Variants in NTRK3 observed in about 807,000 individuals in gnomAD.
NTRK3 encodes the protein NT-3 growth factor receptor.
In NTRK3, 24 loss-of-function variants were observed where a neutral mutation model predicts 91.7. The observed-to-expected ratio is 0.26, with a 90% CI of 0.19 to 0.37. The LOEUF is 0.37. Ranked by LOEUF, NTRK3 falls within the 10% of genes least tolerant of loss-of-function variation. The probability of loss-of-function intolerance (pLI) is 1.00; values close to 1 mark genes in which losing one functional copy is unlikely to be tolerated. For synonymous variants in NTRK3, 483 were observed against 404.0 expected (o/e 1.20, Z -2.34); for missense variants, 880 against 1,068.9 (o/e 0.82, Z 2.46).
At chr15:88,183,051 AC>A (rs974383038) in intron 5 of NTRK3, among the ~76,000 whole-genome samples, 1 of 114,036 alleles carries the variant, frequency 8.8e-6, no homozygotes, top group African/African-American at 3.4e-5. Flanking sequence ...ACACATACAC[AC>A]TCTTATGGGC....
chr15:87,979,351 G>A (rs1431530796), intron 14 of NTRK3: 14 of 1,610,764 alleles, frequency 8.7e-6, no homozygotes, highest in Non-Finnish European at 1.2e-5. Flanking sequence ...GTTTTTAAAA[G>A]CCATGACGTC....
intron 14 of NTRK3, among the ~76,000 whole-genome samples, chr15:87,982,987 CCTT>C (rs780346399): frequency 6.6e-6 from 1 of 152,218 alleles, no homozygotes; most frequent in Non-Finnish European, 1.5e-5. Flanking sequence ...CTCTCCTTCT[CCTT>C]CTGTCTCTGC....
At chr15:87,990,132 C>T (rs2075173065) in intron 14 of NTRK3, among the ~76,000 whole-genome samples, 1 of 152,160 alleles carries the variant, frequency 6.6e-6, no homozygotes, top group Admixed American at 6.5e-5. Flanking sequence ...GTACAACAGT[C>T]TTCAGCTAGT....
At chr15:88,201,295 G>T (rs1294954175) in intron 3 of NTRK3, among the ~76,000 whole-genome samples, 1 of 152,106 alleles carries the variant, frequency 6.6e-6, no homozygotes, top group Non-Finnish European at 1.5e-5. Context: ...TTCCTCACCA[G>T]CATGCCATTG....
At chr15:88,133,167 C>A (rs901333165) in intron 10 of NTRK3, among the ~76,000 whole-genome samples, 1 of 152,142 alleles carries the variant, frequency 6.6e-6, no homozygotes, top group Non-Finnish European at 1.5e-5. Flanking sequence ...TTGAGAACCA[C>A]TGGCCTGAGG....
intron 17 of NTRK3, among the ~76,000 whole-genome samples, chr15:87,906,062 C>T (rs1437102768): frequency 3.9e-5 from 6 of 152,226 alleles, no homozygotes; most frequent in Non-Finnish European, 8.8e-5. Context: ...TTTCTTACTT[C>T]CACTTCCTGC....
chr15:88,187,074 G>A (rs1425304294), intron 3 of NTRK3, among the ~76,000 whole-genome samples: 1 of 152,218 alleles, frequency 6.6e-6, no homozygotes. Context: ...AGAGCTGGCT[G>A]TGCTGATTAT....
intron 13 of NTRK3, among the ~76,000 whole-genome samples, chr15:88,074,395 T>C (rs920178797): frequency 6.6e-6 from 1 of 152,166 alleles, no homozygotes; most frequent in African/African-American, 2.4e-5. Flanking sequence ...GAGAAGCTGG[T>C]TTTTAAGTTT....
At chr15:87,928,820 G>A in intron 17 of NTRK3, 2 of 413,132 alleles carry the variant, frequency 4.8e-6, no homozygotes, top group South Asian at 6.5e-5. Context: ...ACTGGGTAGG[G>A]AGACATTAAA....
In NTRK3 at chr15:87,870,438, G is replaced by C. The variant is rs2064798514; in HGVS notation, c.*6497C>G. ...TGGACTCTGCGGACTCAGGGGGAAA[G>C]TGTGGGAAGGGAGTGAGGGATAAAA... On this transcript the variant is annotated 3_prime_UTR_variant, in exon 19 of 19. Coordinates refer to ENST00000394480, the Ensembl canonical transcript of NTRK3. 3 of 206,478 alleles carry C rather than the reference G, an allele frequency of 1.5e-5. No homozygotes were observed. The South Asian group carries it at 5.6e-4, about 39-fold the overall frequency. The allele number at this position is 206,478 out of a possible 1,614,324, so 12.8% of individuals were successfully genotyped here.
chr15:87,992,859 GCTCT>G (rs977192372), intron 14 of NTRK3, among the ~76,000 whole-genome samples: 132 of 152,312 alleles, frequency 8.7e-4, no homozygotes, highest in African/African-American at 2.9e-3. Context: ...AAATCCAACA[GCTCT>G]CTCTATTTCC....
intron 13 of NTRK3, among the ~76,000 whole-genome samples, chr15:88,046,384 C>T (rs1295487885): frequency 6.6e-6 from 1 of 152,128 alleles, no homozygotes; most frequent in African/African-American, 2.4e-5. Flanking sequence ...AAAGACACAA[C>T]CTCAGCCTGA....
At chr15:88,223,095 C>A (rs974977702) in intron 3 of NTRK3, among the ~76,000 whole-genome samples, 2 of 152,166 alleles carry the variant, frequency 1.3e-5, no homozygotes, top group African/African-American at 4.8e-5. Flanking sequence ...CTCCCTCCAG[C>A]CAGAGCTGCG....
chr15:88,116,909 C>T (rs2052154376), intron 13 of NTRK3, among the ~76,000 whole-genome samples: 2 of 152,164 alleles, frequency 1.3e-5, no homozygotes, highest in African/African-American at 2.4e-5. Flanking sequence ...TGGGGTAAAC[C>T]CTAGGCAACT....
Position 88,241,524 on chromosome 15 carries a change from G to A in NTRK3, c.248+14382C>T, listed in dbSNP as rs546784807. 6.8e-4 allele frequency among the ~76,000 whole-genome samples: 104 copies of A among 152,288 alleles called. No homozygotes were observed. Among genetic ancestry groups the A allele is most frequent in the African/African-American group, 2.4e-3 (101 of 41,550 alleles). ...CACTTCTGCTTCCCCAGGGCCCAGG[G>A]AGCTGCTCTGGGCTGGAAAGGAGGA... On this transcript the variant is annotated intron_variant, in intron 3 of 18. Coordinates refer to ENST00000394480, the Ensembl canonical transcript of NTRK3. The surrounding 1 kb of genome is among the most constrained non-coding windows in gnomAD (Gnocchi z 4.3).
intron 3 of NTRK3, among the ~76,000 whole-genome samples, chr15:88,217,790 A>G (rs4887385): frequency 0.83 from 121,879 of 147,528 alleles, 51,087 homozygotes; most frequent in East Asian, 0.99. Flanking sequence ...GCGGAGTCTC[A>G]CTCTGTCGCC....
At chr15:88,245,947 C>T (rs1567711984) in intron 3 of NTRK3, among the ~76,000 whole-genome samples, 1 of 152,086 alleles carries the variant, frequency 6.6e-6, no homozygotes, top group Non-Finnish European at 1.5e-5. Context: ...TTCAGTGGAC[C>T]AGATTTGAAA....
intron 13 of NTRK3, among the ~76,000 whole-genome samples, chr15:88,062,904 C>A (rs1464638234): frequency 1.3e-5 from 2 of 152,244 alleles, no homozygotes; most frequent in East Asian, 3.9e-4. Context: ...CAAAGGCCCC[C>A]CATTCTAGAA....
At chr15:88,045,984 G>T (rs536587855) in intron 13 of NTRK3, among the ~76,000 whole-genome samples, 3 of 152,282 alleles carry the variant, frequency 2.0e-5, no homozygotes, top group African/African-American at 7.2e-5. Flanking sequence ...ACATTAACAG[G>T]TACTAGTGAT....
Sources: allele counts gnomAD v4.1 joint callset (sites outside exome capture counted in the v4.1 genomes callset), GRCh38; gene constraint gnomAD v4.1.1; non-coding constraint Gnocchi (gnomAD v3.1); transcripts MANE v1.5; gene names NCBI Gene and HGNC (gene_info 2026-07-23, HGNC 2026-07-21).